The following PLCB2 variants were observed in gnomAD, a reference collection of about 807,000 sequenced individuals.
PLCB2 encodes the protein phospholipase C beta 2, also known as 1-phosphatidylinositol 4,5-bisphosphate phosphodiesterase beta-2.
A neutral mutation model predicts 141.7 loss-of-function variants in PLCB2; 115 were observed. That is an observed-to-expected ratio of 0.81 (90% CI 0.70 to 0.95). The LOEUF (loss-of-function observed/expected upper bound fraction) is 0.95, where lower values mean the gene tolerates loss of function less well. PLCB2 is among the 40% of genes least tolerant of loss of function. The pLI is 0.00. For synonymous variants in PLCB2, 603 were observed against 595.6 expected (o/e 1.01, Z -0.18); for missense variants, 1,403 against 1,541.1 (o/e 0.91, Z 1.50).
intron 7 of PLCB2, chr15:40,301,711 C>G: frequency 2.8e-6 from 2 of 704,272 alleles, no homozygotes; most frequent in East Asian, 2.7e-5. Context: ...ACAGCCCCAG[C>G]GCCCCCACCA....
chr15:40,290,925 G>A (rs2039863483), intron 27 of PLCB2, 88 bp from the exon 28 acceptor site: 4 of 1,422,520 alleles, frequency 2.8e-6, no homozygotes, highest in Admixed American at 2.0e-5. Flanking sequence ...GGGAGTCGGT[G>A]AGGGGGTTGG....
At chr15:40,294,863 A>T (rs954266165) in intron 18 of PLCB2, 73 bp downstream of exon 18, 1 of 1,590,620 alleles carries the variant, frequency 6.3e-7, no homozygotes, top group African/African-American at 1.3e-5. Context: ...TGTTCCAAAG[A>T]CCCCTCAAGG....
At chr15:40,286,734 A>G (rs991587232), downstream of PLCB2, among the ~76,000 whole-genome samples, 1 of 152,168 alleles carries the variant, frequency 6.6e-6, no homozygotes, top group Non-Finnish European at 1.5e-5. Flanking sequence ...CATCTCCAGG[A>G]CCCAGAGATG....
intron 27 of PLCB2, 48 bp from the exon 28 acceptor site, chr15:40,290,885 A>G: frequency 1.4e-6 from 1 of 724,920 alleles, no homozygotes. Context: ...TGTTGTTCAG[A>G]GGGAGTACGG....
In PLCB2 at chr15:40,288,579, G is replaced by A. The variant is rs1181569090; in HGVS notation, c.*136C>T. The A allele has an allele frequency of 9.4e-6, 13 of 1,388,012 alleles. No individual in the cohort carries two copies. Among genetic ancestry groups the A allele is most frequent in the African/African-American group, 1.4e-5 (1 of 69,078 alleles). The allele number at this position is 1,388,012 out of a possible 1,614,324, so 86.0% of individuals were successfully genotyped here. A position where few individuals can be genotyped will look rare whatever the true frequency, so the allele number is the denominator to read the frequency against. ...AGACTCTGGCCTGGCCGTTGAGGAG[G>A]GGGCTGCAGCGTCCAAGGCAGCCAC... On this transcript the variant is annotated 3_prime_UTR_variant, in exon 32 of 32. Transcript: ENST00000260402.
chr15:40,289,043 G>C, intron 31 of PLCB2, 125 bp from the exon 32 acceptor site: 2 of 1,399,618 alleles, frequency 1.4e-6, no homozygotes, highest in Non-Finnish European at 1.9e-6. Context: ...ACTGGGGTGA[G>C]AGGCAGGGTG....
chr15:40,294,909 T>G, intron 18 of PLCB2, 27 bp downstream of exon 18: 1 of 1,613,736 alleles, frequency 6.2e-7, no homozygotes, highest in Non-Finnish European at 8.5e-7. Flanking sequence ...CAGGGAAGGA[T>G]TCTTAGGGGC....
In PLCB2 at chr15:40,288,427, C is replaced by T. The variant is rs1217019617; in HGVS notation, c.*288G>A. The T allele has an allele frequency of 2.6e-6, 3 of 1,163,774 alleles. No individual in the cohort carries two copies. Among genetic ancestry groups the T allele is most frequent in the African/African-American group, 1.6e-5 (1 of 63,312 alleles). The allele number at this position is 1,163,774 out of a possible 1,614,324, so 72.1% of individuals were successfully genotyped here. ...GGATCCCACTTTCTGCCTTCCAGTC[C>T]ATAGTCTTTTGCCCTCAACAAATAT... On this transcript the variant is annotated 3_prime_UTR_variant, in exon 32 of 32. Coordinates refer to ENST00000260402, the MANE Select transcript of PLCB2 (RefSeq NM_004573.3).
Position 40,298,827 on chromosome 15 carries a change from T to C in PLCB2, c.821A>G (p.Tyr274Cys). 6.2e-7 allele frequency: 1 copy of C among 1,613,824 alleles called. No individual in the cohort carries two copies. ...PDQVQGLIDK[Y>C]EPSGINAQRG... ...CTGTGCATTGATGCCACTGGGCTCATACTTGTCGATGAGGCCCTGCACCTG... is the reference window on the plus strand; with the variant it reads ...CTGTGCATTGATGCCACTGGGCTCACACTTGTCGATGAGGCCCTGCACCTG... The change falls in exon 9 of 32, where the codon TAT (tyrosine) becomes TGT (cysteine). Residue 274 changes from tyrosine to cysteine, a missense_variant. Tyr to Cys is a radical substitution (Grantham distance 194). Transcript: ENST00000260402.
At position 40,292,998 on chromosome 15, in the gene PLCB2, T is replaced by C; in HGVS notation, c.2254A>G (p.Arg752Gly). ...KILMPELASL[R>G]VAVMEEGNKF... is the part of the protein sequence containing the mutation. ...TTGCCTTCCTCCATCACAGCCACTC[T>C]GAGGGAGGCCAGCTCAGGCATCAAG... The change falls in exon 21 of 32, where the codon AGA becomes GGA. Residue 752 changes from arginine (R) to glycine (G), a missense_variant. Coordinates refer to ENST00000260402, the MANE Select transcript of PLCB2 (RefSeq NM_004573.3). 6.2e-7 allele frequency: 1 copy of C among 1,605,490 alleles called. No individual in the cohort carries two copies. Among genetic ancestry groups the C allele is most frequent in the South Asian group, 1.1e-5 (1 of 89,904 alleles).
chr15:40,298,273 C>T lies in PLCB2; in HGVS notation c.1105G>A (p.Glu369Lys), dbSNP rs774007868. ...DCWKGKPPDE[E>K]PIITHGFTMT... is the part of the protein sequence containing the mutation. ...GTGAAGCCATGGGTGATAATGGGCT[C>T]CTCGTCAGGGGGTTTCCCCTTCCAG... The change falls in exon 11 of 32, where the codon GAG becomes AAG. Residue 369 changes from glutamate (E) to lysine (K), a missense_variant. This residue lies in a region of PLCB2 where 975 missense variants were observed against 1,141.1 expected (regional missense o/e 0.85). Transcript: ENST00000260402. 6.3e-7 allele frequency: 1 copy of T among 1,598,940 alleles called. No individual in the cohort carries two copies. Among genetic ancestry groups the T allele is most frequent in the Non-Finnish European group, 8.5e-7 (1 of 1,170,946 alleles).
intron 1 of PLCB2, among the ~76,000 whole-genome samples, chr15:40,305,730 C>T (rs1257484710): frequency 6.6e-6 from 1 of 152,214 alleles, no homozygotes; most frequent in Non-Finnish European, 1.5e-5. Flanking sequence ...AAAGAATCAG[C>T]TTTAAGCTTC....
chr15:40,289,044 A>AG, intron 31 of PLCB2, 126 bp from the exon 32 acceptor site: 1 of 1,400,690 alleles, frequency 7.1e-7, no homozygotes, highest in South Asian at 1.4e-5. Context: ...CTGGGGTGAG[A>AG]GGCAGGGTGG....
downstream of PLCB2, chr15:40,287,792 C>G: frequency 3.3e-6 from 1 of 304,110 alleles, no homozygotes; most frequent in Non-Finnish European, 4.8e-6. Context: ...AAGGACCTCA[C>G]CCTGGGTTCA....
chr15:40,297,838 G>T lies in PLCB2; in HGVS notation c.1238+39C>A. ...GACAGTTGCAGACAGGAGACTGGGG[G>T]CTGGGTGAGAATGTGGCTGAATGGG... On this transcript the variant is annotated intron_variant, in intron 12 of 31. Transcript: ENST00000260402. The surrounding 1 kb of genome is among the most constrained non-coding windows in gnomAD (Gnocchi z 4.2). The T allele has an allele frequency of 9.3e-6, 14 of 1,501,412 alleles. No individual in the cohort carries two copies. The highest frequency in any genetic ancestry group is 1.1e-5 in the South Asian group (1 of 88,378). 93.0% of individuals were successfully genotyped at this position (1,501,412 alleles called of 1,614,324 possible).
downstream of PLCB2, chr15:40,285,550 C>A (rs967848825): frequency 3.0e-6 from 3 of 985,252 alleles, no homozygotes; most frequent in Non-Finnish European, 3.6e-6. Context: ...AAGCTGCTCC[C>A]GCCCCAGAGC....
chr15:40,300,080 C>A (rs965188739), intron 7 of PLCB2, among the ~76,000 whole-genome samples: 1 of 152,114 alleles, frequency 6.6e-6, no homozygotes, highest in African/African-American at 2.4e-5. Flanking sequence ...TTTGGGAGGC[C>A]GAGGAGGGTG....
chr15:40,294,161 C>A, intron 19 of PLCB2, 105 bp downstream of exon 19: 1 of 1,167,998 alleles, frequency 8.6e-7, no homozygotes, highest in Non-Finnish European at 1.2e-6. Context: ...CTGAAGTTTC[C>A]AGGATATCAG....
Position 40,301,374 on chromosome 15 carries a change from G to A in PLCB2, c.582+583C>T, listed in dbSNP as rs2040496806. 53 of 598,524 alleles carry A rather than the reference G, an allele frequency of 8.9e-5. 1 individual carries two copies. In the South Asian group the frequency reaches 9.7e-4, roughly 11 times the overall value. The allele number at this position is 598,524 out of a possible 1,614,324, so 37.1% of individuals were successfully genotyped here. The stretch of plus-strand genomic sequence containing the variant: ...GCTCAGGGCCATATCAGCCCAGAGG[G>A]CTCCTTTTTGTAATTCACACAAGTT... On this transcript the variant is annotated intron_variant, in intron 7 of 31. Coordinates refer to ENST00000260402, the MANE Select transcript of PLCB2 (RefSeq NM_004573.3).
Sources: gnomAD v4.1 joint callset for allele counts (sites outside exome capture counted in the v4.1 genomes callset) on GRCh38, gnomAD v4.1.1 for gene constraint, gnomAD v4.1.1 regional missense constraint, Gnocchi (gnomAD v3.1) non-coding constraint, MANE v1.5 for transcripts, NCBI Gene and HGNC (gene_info 2026-07-23, HGNC 2026-07-21) for gene names.